RBFOX2: variants seen among roughly 807,000 people sequenced by gnomAD.
RBFOX2 encodes RNA binding protein fox-1 homolog 2.
Under a neutral mutation model 49.1 loss-of-function variants are expected in RBFOX2, and 10 were observed. The observed-to-expected ratio is 0.20, with a 90% confidence interval of 0.13 to 0.35. RBFOX2 has a LOEUF of 0.35. RBFOX2 is among the 10% of genes least tolerant of loss of function. The pLI, the probability that RBFOX2 is intolerant of heterozygous loss-of-function variation, is 1.00. For synonymous variants in RBFOX2, 183 were observed against 187.4 expected (o/e 0.98, Z 0.19); for missense variants, 323 against 486.9 (o/e 0.66, Z 3.17).
chr22:35,789,736 G>A (rs73411998), intron 2 of RBFOX2, among the ~76,000 whole-genome samples: 7,331 of 152,108 alleles, frequency 0.048, 603 homozygotes, highest in African/African-American at 0.16. Flanking sequence ...GCATATAAAT[G>A]TAATTGTGGG....
intron 1 of RBFOX2, among the ~76,000 whole-genome samples, chr22:35,977,205 G>T (rs181991007): frequency 6.6e-6 from 1 of 152,058 alleles, no homozygotes; most frequent in Non-Finnish European, 1.5e-5. Flanking sequence ...ATAGTGGAAA[G>T]AATGTAGATA....
chr22:35,849,088 G>A (rs1054429083), intron 1 of RBFOX2, among the ~76,000 whole-genome samples: 1 of 152,006 alleles, frequency 6.6e-6, no homozygotes, highest in Non-Finnish European at 1.5e-5. Flanking sequence ...AGTCTAAAAC[G>A]TTAGACTAAA....
intron 1 of RBFOX2, among the ~76,000 whole-genome samples, chr22:35,905,640 C>A (rs952541213): frequency 3.3e-5 from 5 of 152,056 alleles, no homozygotes; most frequent in African/African-American, 9.7e-5. Context: ...TGAATGAATG[C>A]GTTTACAGAG....
chr22:35,925,640 G>A (rs1399394936), intron 1 of RBFOX2, among the ~76,000 whole-genome samples: 3 of 152,192 alleles, frequency 2.0e-5, no homozygotes, highest in African/African-American at 4.8e-5. Flanking sequence ...TTTAAAGGAC[G>A]ACCTGTATTT....
intron 3 of RBFOX2, among the ~76,000 whole-genome samples, chr22:35,778,327 C>T (rs1477175132): frequency 5.3e-5 from 8 of 152,188 alleles, no homozygotes. Flanking sequence ...CCATTAGATA[C>T]TTCATGTGGA....
At chr22:35,937,443 GC>G (rs1299280573) in intron 1 of RBFOX2, among the ~76,000 whole-genome samples, 1 of 152,180 alleles carries the variant, frequency 6.6e-6, no homozygotes, top group East Asian at 1.9e-4. Flanking sequence ...TTCTCCCGAT[GC>G]CTTATCTGGG....
At chr22:35,847,030 A>T (rs1211118321) in intron 1 of RBFOX2, among the ~76,000 whole-genome samples, 1 of 152,212 alleles carries the variant, frequency 6.6e-6, no homozygotes, top group Non-Finnish European at 1.5e-5. Context: ...AGAGGCAGTA[A>T]ATGTTTAATC....
At chr22:35,763,038 C>T (rs1939526477) in intron 6 of RBFOX2, among the ~76,000 whole-genome samples, 1 of 152,110 alleles carries the variant, frequency 6.6e-6, no homozygotes, top group African/African-American at 2.4e-5. Flanking sequence ...CATCAAATTA[C>T]ACAAATACTG....
At chr22:36,006,487 T>C (rs1455550017) in intron 1 of RBFOX2, among the ~76,000 whole-genome samples, 2 of 152,246 alleles carry the variant, frequency 1.3e-5, no homozygotes, top group Non-Finnish European at 2.9e-5. Context: ...CTTTTTTTCC[T>C]TAATGAACAA....
intron 1 of RBFOX2, among the ~76,000 whole-genome samples, chr22:35,972,973 G>A (rs1210878666): frequency 1.3e-5 from 2 of 152,122 alleles, no homozygotes; most frequent in East Asian, 3.8e-4. Context: ...CTTGTCCTTT[G>A]TGCTCAGTTT....
At chr22:35,971,532 C>T (rs1435886468) in intron 1 of RBFOX2, among the ~76,000 whole-genome samples, 1 of 152,134 alleles carries the variant, frequency 6.6e-6, no homozygotes. Context: ...CTCTTCTCTG[C>T]TCCCAACCCA....
intron 1 of RBFOX2, among the ~76,000 whole-genome samples, chr22:35,880,262 G>A (rs1379145307): frequency 1.3e-5 from 2 of 152,178 alleles, no homozygotes; most frequent in Non-Finnish European, 2.9e-5. Flanking sequence ...AGAAAGAGGA[G>A]TCCAGGATGA....
upstream of RBFOX2, among the ~76,000 whole-genome samples, chr22:35,965,441 CATAGTCTCCAT>C (rs1325724062): frequency 6.6e-6 from 1 of 152,232 alleles, no homozygotes; most frequent in East Asian, 1.9e-4. Context: ...TTGTTCTCCT[CATAGTCTCCAT>C]GATAAGAATA....
upstream of RBFOX2, among the ~76,000 whole-genome samples, chr22:35,844,012 C>G (rs2040851082): frequency 6.6e-6 from 1 of 152,192 alleles, no homozygotes. Context: ...TGAGCACATA[C>G]ATCTCTTCTG....
At chr22:35,816,729 T>C (rs149514613) in intron 1 of RBFOX2, among the ~76,000 whole-genome samples, 129 of 152,300 alleles carry the variant, frequency 8.5e-4, no homozygotes, top group African/African-American at 3.1e-3. Context: ...AGGATTACTG[T>C]AATAAAAACC....
intron 1 of RBFOX2, among the ~76,000 whole-genome samples, chr22:35,885,843 ATTTTTTTTTT>A (rs538674450): frequency 2.6e-4 from 22 of 83,154 alleles, no homozygotes; most frequent in East Asian, 1.3e-3. Flanking sequence ...CCCAAACCTA[ATTTTTTTTTT>A]TTTTTTTTTT....
At chr22:35,744,878 T>C (rs1371352035) in intron 11 of RBFOX2, among the ~76,000 whole-genome samples, 4 of 152,230 alleles carry the variant, frequency 2.6e-5, no homozygotes, top group Non-Finnish European at 4.4e-5. Context: ...AATGACTTTA[T>C]CTAATGGCTT....
chr22:35,986,831 C>T (rs2057745187), intron 1 of RBFOX2, among the ~76,000 whole-genome samples: 1 of 152,180 alleles, frequency 6.6e-6, no homozygotes, highest in Non-Finnish European at 1.5e-5. Context: ...TCAACTGCTT[C>T]ACCTAAGTTC....
At chr22:35,863,486 G>A (rs2043326386) in intron 1 of RBFOX2, among the ~76,000 whole-genome samples, 1 of 152,128 alleles carries the variant, frequency 6.6e-6, no homozygotes, top group Admixed American at 6.6e-5. Flanking sequence ...GGTGTCTTGA[G>A]CGTGTACCTG....
Sources: allele counts gnomAD v4.1 joint callset (sites outside exome capture counted in the v4.1 genomes callset), GRCh38; gene constraint gnomAD v4.1.1; transcripts MANE v1.5; gene names NCBI Gene and HGNC (gene_info 2026-07-23, HGNC 2026-07-21).